SKOR2: variants seen among roughly 807,000 people sequenced by gnomAD.
The protein encoded by SKOR2 is SKI family transcriptional corepressor 2, also known as LBX1 corepressor 1-like protein.
SKOR2 carries 47 observed loss-of-function variants against 69.1 expected under a neutral mutation model. That is an observed-to-expected ratio of 0.68 (90% CI 0.54 to 0.87). SKOR2 has a LOEUF of 0.87. SKOR2 is among the 40% of genes least tolerant of loss of function. The pLI is 0.00. For missense variants in SKOR2, 1,404 were observed against 1,472.2 expected, an observed-to-expected ratio of 0.95 and a Z score of 0.76; for synonymous variants, 717 against 672.6, an observed-to-expected ratio of 1.07 and a Z score of -1.02.
At chr18:47,208,913 A>C (rs2064120236) in intron 8 of SKOR2, among the ~76,000 whole-genome samples, 1 of 152,190 alleles carries the variant, frequency 6.6e-6, no homozygotes, top group Admixed American at 6.5e-5. Flanking sequence ...GCTGGTAGCT[A>C]AACAAATAGA....
chr18:47,247,924 CA>C lies in SKOR2; in HGVS notation c.1259del (p.Leu420CysfsTer76). 1 of 1,371,580 alleles carries C rather than the reference CA, an allele frequency of 7.3e-7. No individual in the cohort carries two copies. Among genetic ancestry groups the C allele is most frequent in the Non-Finnish European group, 9.4e-7 (1 of 1,069,190 alleles). 85.0% of individuals were successfully genotyped at this position (1,371,580 alleles called of 1,614,324 possible). A position where few individuals can be genotyped will look rare whatever the true frequency, so the allele number is the denominator to read the frequency against. On this transcript the variant is annotated frameshift_variant, in exon 2 of 9. Coordinates refer to ENST00000425639, the MANE Select transcript of SKOR2 (RefSeq NM_001278063.4). LOFTEE classifies it high-confidence loss of function. This position sits in a 1 kb window ranked among gnomAD's most constrained non-coding sequence, Gnocchi z 6.6. ...TFPAAAAAFS[L>X]CHKKEDAGAA... Reference sequence around the variant, plus strand: ...CACCCGCATCCTCTTTCTTATGGCACAAGCTGAAGGCGGCGGCCGCGGCAGG... The same window carrying C: ...CACCCGCATCCTCTTTCTTATGGCACAGCTGAAGGCGGCGGCCGCGGCAGG...
At chr18:47,230,710 G>A (rs982153575) in intron 5 of SKOR2, among the ~76,000 whole-genome samples, 153 bp from the exon 6 acceptor site, 1 of 152,096 alleles carries the variant, frequency 6.6e-6, no homozygotes, top group Non-Finnish European at 1.5e-5. Flanking sequence ...AGAAATCCAT[G>A]AATATAAATC....
At chr18:47,215,881 A>G (rs2064142508) in intron 7 of SKOR2, among the ~76,000 whole-genome samples, 1 of 152,176 alleles carries the variant, frequency 6.6e-6, no homozygotes, top group African/African-American at 2.4e-5. Flanking sequence ...AACTATGACT[A>G]AAAAATAAAA....
At chr18:47,214,204 C>T (rs199749657) in intron 7 of SKOR2, among the ~76,000 whole-genome samples, 16 of 152,240 alleles carry the variant, frequency 1.1e-4, no homozygotes, top group African/African-American at 2.2e-4. Flanking sequence ...CAAAGAAACC[C>T]GCCTGAAGGA....
chr18:47,221,914 G>C (rs1482280264), intron 6 of SKOR2, among the ~76,000 whole-genome samples: 2 of 152,206 alleles, frequency 1.3e-5, no homozygotes, highest in Admixed American at 6.5e-5. Context: ...AGCAGGTTGA[G>C]ATTCTGCCAT....
At chr18:47,223,545 G>C (rs1258564065) in intron 6 of SKOR2, among the ~76,000 whole-genome samples, 1 of 152,088 alleles carries the variant, frequency 6.6e-6, no homozygotes, top group Non-Finnish European at 1.5e-5. Context: ...TAGTTACAAG[G>C]GTGTCCATTA....
intron 4 of SKOR2, among the ~76,000 whole-genome samples, chr18:47,233,769 T>C (rs776461888): frequency 6.6e-6 from 1 of 152,222 alleles, no homozygotes; most frequent in Non-Finnish European, 1.5e-5. Context: ...AGTTAGATAG[T>C]TGAATTTAAA....
intron 7 of SKOR2, among the ~76,000 whole-genome samples, chr18:47,218,126 C>A (rs961652158): frequency 6.6e-6 from 1 of 151,936 alleles, no homozygotes; most frequent in Non-Finnish European, 1.5e-5. Flanking sequence ...CTAAAGAAAC[C>A]AAATGCCAAA....
intron 7 of SKOR2, among the ~76,000 whole-genome samples, chr18:47,217,390 G>T (rs1261845965): frequency 1.3e-5 from 2 of 152,086 alleles, no homozygotes; most frequent in Non-Finnish European, 2.9e-5. Flanking sequence ...ATATGGGATG[G>T]GTCTCAATCC....
At position 47,248,205 on chromosome 18, in the gene SKOR2, C is replaced by A; in HGVS notation, c.979G>T (p.Ala327Ser). 1.6e-6 allele frequency: 2 copies of A among 1,231,148 alleles called. No individual in the cohort carries two copies. The highest frequency in any genetic ancestry group is 1.0e-6 in the Non-Finnish European group (1 of 989,656). 76.3% of individuals were successfully genotyped at this position (1,231,148 alleles called of 1,614,324 possible). A position where few individuals can be genotyped will look rare whatever the true frequency, so the allele number is the denominator to read the frequency against. ...CTGGCGGCTGCGGCCGAGAGGCTGG[C>A]GGCGGCCACTACGGCGGCCTCCTGC... ...SLQEAAVVAA[A>S]SLSAAAASLS... The change falls in exon 2 of 9, where the codon GCC becomes TCC. Residue 327 changes from alanine (A) to serine (S), a missense_variant. By Grantham distance (99) the Ala-to-Ser change is moderately conservative. Transcript: ENST00000425639. This position sits in a 1 kb window ranked among gnomAD's most constrained non-coding sequence, Gnocchi z 6.4.
rs1308805058 is a variant in SKOR2, at chr18:47,248,920, G to A, written c.264C>T (p.Gly88=). ...CCGGCGTGCACTGCACACACGTGAT[G>A]CCCAGTGCCACGCGACGGTTGTGGA... is the stretch of plus-strand genomic sequence containing the variant. ...NEIHNRRVAL[G]ITCVQCTPVQ... The change falls in exon 2 of 9, where the codon GGC becomes GGT. Residue 88 remains glycine (G), a synonymous_variant. Transcript: ENST00000425639. This position sits in a 1 kb window ranked among gnomAD's most constrained non-coding sequence, Gnocchi z 6.4. The A allele has an allele frequency of 3.8e-6, 6 of 1,574,110 alleles. No individual in the cohort carries two copies. Among genetic ancestry groups the A allele is most frequent in the Admixed American group, 1.8e-5 (1 of 56,188 alleles).
chr18:47,247,809 G>C lies in SKOR2; in HGVS notation c.1375C>G (p.Arg459Gly). ...AAGGGCGGATAGAAGGCGTCCTTGC[G>C]GCCCGCGGGCCAGAAGAGGCCGGAC... Reference protein sequence around the residue: ...GLSGLFWPAGRKDAFYPPFCM... With the variant: ...GLSGLFWPAGGKDAFYPPFCM... Residue 459 changes from arginine to glycine, a missense_variant, in exon 2 of 9, where the codon CGC becomes GGC. Coordinates refer to ENST00000425639, the MANE Select transcript of SKOR2 (RefSeq NM_001278063.4). This position sits in a 1 kb window ranked among gnomAD's most constrained non-coding sequence, Gnocchi z 6.6. 7.2e-7 allele frequency: 1 copy of C among 1,396,212 alleles called. No individual in the cohort carries two copies. The highest frequency in any genetic ancestry group is 9.2e-7 in the Non-Finnish European group (1 of 1,082,660). The allele number at this position is 1,396,212 out of a possible 1,614,324, so 86.5% of individuals were successfully genotyped here. A position where few individuals can be genotyped will look rare whatever the true frequency, so the allele number is the denominator to read the frequency against.
chr18:47,225,132 C>G (rs1471466097), intron 6 of SKOR2, among the ~76,000 whole-genome samples: 2 of 152,142 alleles, frequency 1.3e-5, no homozygotes, highest in African/African-American at 4.8e-5. Context: ...CAACCATATT[C>G]AGGGAGATGA....
intron 4 of SKOR2, among the ~76,000 whole-genome samples, chr18:47,242,992 T>A (rs957884058): frequency 6.6e-6 from 1 of 152,222 alleles, no homozygotes; most frequent in Non-Finnish European, 1.5e-5. Flanking sequence ...AACTTTAGGC[T>A]TTACGGGGGC....
At position 47,248,331 on chromosome 18, in the gene SKOR2, G is replaced by A; in HGVS notation, c.853C>T (p.Pro285Ser). The A allele has an allele frequency of 1.7e-6, 2 of 1,202,852 alleles. No homozygotes were observed. Among genetic ancestry groups the A allele is most frequent in the Non-Finnish European group, 2.1e-6 (2 of 972,218 alleles). The allele number at this position is 1,202,852 out of a possible 1,614,324, so 74.5% of individuals were successfully genotyped here. A position where few individuals can be genotyped will look rare whatever the true frequency, so the allele number is the denominator to read the frequency against. Residue 285 changes from proline to serine, a missense_variant, in exon 2 of 9, where the codon CCC becomes TCC. Coordinates refer to ENST00000425639, the MANE Select transcript of SKOR2 (RefSeq NM_001278063.4). The surrounding 1 kb of genome is among the most constrained non-coding windows in gnomAD (Gnocchi z 6.4). ...GLLGPHLLGA[P>S]PPPPPPPPPL... ...GGCGGTGGCGGCGGCGGCGGCGGGG[G>A]CGCACCCAGCAGGTGGGGGCCCAGC...
intron 4 of SKOR2, among the ~76,000 whole-genome samples, chr18:47,241,587 G>A (rs896203635): frequency 6.6e-6 from 1 of 151,804 alleles, no homozygotes; most frequent in Non-Finnish European, 1.5e-5. Flanking sequence ...ACTTACTGGT[G>A]TTTAAAACAT....
chr18:47,224,198 C>T (rs1397542175), intron 6 of SKOR2, among the ~76,000 whole-genome samples: 1 of 152,114 alleles, frequency 6.6e-6, no homozygotes, highest in East Asian at 1.9e-4. Context: ...TGAGCCACCA[C>T]GCCCGACCAT....
chr18:47,229,650 T>C (rs2064190325), intron 6 of SKOR2, among the ~76,000 whole-genome samples: 1 of 151,842 alleles, frequency 6.6e-6, no homozygotes. Context: ...CAAGACTCCA[T>C]CTCAAAAAGA....
intron 1 of SKOR2, 54 bp downstream of exon 1, chr18:47,251,320 A>G (rs1448907242): frequency 6.6e-6 from 1 of 152,156 alleles, no homozygotes; most frequent in Non-Finnish European, 1.5e-5. Context: ...GGGGATCTCA[A>G]ATAGGTGCCC....
Sources: gnomAD v4.1 joint callset for allele counts (sites outside exome capture counted in the v4.1 genomes callset) on GRCh38, gnomAD v4.1.1 for gene constraint, Gnocchi (gnomAD v3.1) non-coding constraint, MANE v1.5 for transcripts, NCBI Gene and HGNC (gene_info 2026-07-23, HGNC 2026-07-21) for gene names.